ESR1: variants seen among roughly 807,000 people sequenced by gnomAD.
ESR1 encodes the protein estrogen receptor.
A neutral mutation model predicts 52.7 loss-of-function variants in ESR1; 12 were observed. That is an observed-to-expected ratio of 0.23 (90% CI 0.15 to 0.37). The LOEUF (loss-of-function observed/expected upper bound fraction) is 0.37. ESR1 is among the 10% of genes least tolerant of loss of function. The pLI, the probability that ESR1 is intolerant of heterozygous loss-of-function variation, is 1.00. For synonymous variants in ESR1, 305 were observed against 316.8 expected, an observed-to-expected ratio of 0.96 and a Z score of 0.39; for missense variants, 584 against 779.7, an observed-to-expected ratio of 0.75 and a Z score of 2.99.
At chr6:151,840,674 T>G (rs1197471576) in intron 1 of ESR1, among the ~76,000 whole-genome samples, 1 of 152,146 alleles carries the variant, frequency 6.6e-6, no homozygotes, top group African/African-American at 2.4e-5. Flanking sequence ...GTTCGGGTAT[T>G]TGGGTGGGGA....
At chr6:151,988,364 A>G (rs775099839) in intron 4 of ESR1, among the ~76,000 whole-genome samples, 5 of 152,072 alleles carry the variant, frequency 3.3e-5, no homozygotes, top group Non-Finnish European at 7.3e-5. Context: ...TGAGAATCTA[A>G]TGCTGCCACT....
At chr6:151,956,479 T>C (rs1027645193) in intron 4 of ESR1, among the ~76,000 whole-genome samples, 3 of 152,202 alleles carry the variant, frequency 2.0e-5, no homozygotes. Context: ...TAGTAGCTAA[T>C]TGTGTGCCAG....
intron 4 of ESR1, among the ~76,000 whole-genome samples, chr6:151,956,228 T>C (rs1006440893): frequency 6.6e-6 from 1 of 152,192 alleles, no homozygotes; most frequent in Non-Finnish European, 1.5e-5. Flanking sequence ...ATATAATCCT[T>C]TGAGTATATA....
intron 1 of ESR1, among the ~76,000 whole-genome samples, chr6:151,693,685 T>TGGAGTG (rs1428562437): frequency 4.6e-5 from 7 of 152,208 alleles, no homozygotes; most frequent in Non-Finnish European, 8.8e-5. Context: ...TGGTGCTTTC[T>TGGAGTG]CAGCTCACTG....
intron 3 of ESR1, among the ~76,000 whole-genome samples, chr6:151,913,928 C>T (rs1798657782): frequency 6.6e-6 from 1 of 151,968 alleles, no homozygotes; most frequent in Non-Finnish European, 1.5e-5. Context: ...AAAAATTATT[C>T]TTGTTTTCAT....
chr6:151,690,343 C>A (rs1426055482), upstream of ESR1, among the ~76,000 whole-genome samples: 1 of 152,200 alleles, frequency 6.6e-6, no homozygotes, highest in Non-Finnish European at 1.5e-5. Flanking sequence ...TCTTGAACAT[C>A]CATCTTAATG....
intron 3 of ESR1, among the ~76,000 whole-genome samples, chr6:151,941,530 G>A (rs2035056206): frequency 6.6e-6 from 1 of 151,808 alleles, no homozygotes; most frequent in Non-Finnish European, 1.5e-5. Context: ...CCACCGCAAG[G>A]CTCTTGCTCT....
At chr6:151,801,051 G>GGGGTGTGT (rs1554258202), upstream of ESR1, among the ~76,000 whole-genome samples, 2 of 147,706 alleles carry the variant, frequency 1.4e-5, no homozygotes, top group Admixed American at 6.8e-5. Context: ...TTGATTATGT[G>GGGGTGTGT]GTGTGTGTGT....
At chr6:151,960,114 A>G (rs1351350924) in intron 4 of ESR1, among the ~76,000 whole-genome samples, 3 of 152,142 alleles carry the variant, frequency 2.0e-5, no homozygotes, top group African/African-American at 7.2e-5. Flanking sequence ...ACTTAGAGAA[A>G]AACTGCCTTA....
intron 6 of ESR1, among the ~76,000 whole-genome samples, chr6:152,084,717 A>C (rs1444735003): frequency 1.3e-5 from 2 of 152,120 alleles, no homozygotes; most frequent in Non-Finnish European, 2.9e-5. Context: ...AAAAAAAAAA[A>C]AACAGTTATT....
At chr6:151,760,043 A>G (rs944396660) in intron 2 of ESR1, among the ~76,000 whole-genome samples, 2 of 152,246 alleles carry the variant, frequency 1.3e-5, no homozygotes, top group African/African-American at 4.8e-5. Context: ...ACACATGCAT[A>G]TGTGTGAGTA....
rs745310692 is a variant in ESR1 at position 151,661,579 on chromosome 6, T to C, written n.73+4816T>C. Among the ~76,000 whole-genome samples the C allele has an allele frequency of 9.9e-5, 15 of 152,258 alleles. 1 individual carries two copies. The highest frequency in any genetic ancestry group is 3.3e-4 in the Admixed American group (5 of 15,282). On this transcript the variant is annotated intron_variant and non_coding_transcript_variant, in intron 1 of 2. Transcript: ENST00000473497. The stretch of plus-strand genomic sequence containing the variant: ...CACAAACAAATATTCAAAATAGTTA[T>C]GTGCACAGCCTGTTTGAGCACCAAT...
At chr6:151,891,046 C>A (rs577043246) in intron 3 of ESR1, among the ~76,000 whole-genome samples, 36 of 152,160 alleles carry the variant, frequency 2.4e-4, no homozygotes, top group African/African-American at 7.7e-4. Context: ...TGTATATTTG[C>A]TACAGGATTT....
At chr6:151,669,902 A>T in intron 1 of ESR1, among the ~76,000 whole-genome samples, 1 of 152,178 alleles carries the variant, frequency 6.6e-6, no homozygotes, top group East Asian at 1.9e-4. Context: ...CACATGGGAG[A>T]GGGAAGAAAT....
intron 6 of ESR1, among the ~76,000 whole-genome samples, chr6:152,121,318 T>C (rs1045370694): frequency 1.3e-5 from 2 of 152,156 alleles, no homozygotes; most frequent in African/African-American, 2.4e-5. Context: ...TGAACAGAAG[T>C]GTGCTTTAAG....
chr6:152,063,219 C>T (rs1319425386), intron 6 of ESR1, among the ~76,000 whole-genome samples: 1 of 152,176 alleles, frequency 6.6e-6, no homozygotes, highest in Non-Finnish European at 1.5e-5. Context: ...TTAGGATCTT[C>T]TTGGCACTTC....
chr6:152,058,540 T>TA (rs1308476107), intron 5 of ESR1, among the ~76,000 whole-genome samples: 2 of 152,220 alleles, frequency 1.3e-5, no homozygotes, highest in Admixed American at 6.5e-5. Context: ...GCACTTTACA[T>TA]AAAAAACCTC....
chr6:151,844,045 T>A (rs1274318115), intron 2 of ESR1, among the ~76,000 whole-genome samples: 2 of 151,856 alleles, frequency 1.3e-5, no homozygotes, highest in African/African-American at 4.8e-5. Flanking sequence ...ACACATGGAC[T>A]TTTTTGTTGG....
intron 2 of ESR1, among the ~76,000 whole-genome samples, chr6:151,786,553 A>G (rs1214279575): frequency 6.6e-6 from 1 of 152,226 alleles, no homozygotes; most frequent in African/African-American, 2.4e-5. Flanking sequence ...AAACGTTTAT[A>G]TACACAAATG....
Sources: allele counts gnomAD v4.1 joint callset (sites outside exome capture counted in the v4.1 genomes callset), GRCh38; gene constraint gnomAD v4.1.1; transcripts MANE v1.5; gene names NCBI Gene and HGNC (gene_info 2026-07-23, HGNC 2026-07-21).